PRKCB: variants seen among roughly 807,000 people sequenced by gnomAD.
PRKCB encodes protein kinase C beta.
PRKCB carries 13 observed loss-of-function variants against 81.5 expected under a neutral mutation model. That is an observed-to-expected ratio of 0.16 (90% confidence interval 0.10 to 0.25). PRKCB has a LOEUF of 0.25. Among genes scored for constraint, PRKCB ranks in the 10% least tolerant of loss-of-function variants. The pLI is 1.00. For synonymous variants in PRKCB, 335 were observed against 321.4 expected (o/e 1.04, Z -0.45); for missense variants, 509 against 875.7 (o/e 0.58, Z 5.29).
At chr16:23,942,434 C>T (rs1036966732) in intron 2 of PRKCB, among the ~76,000 whole-genome samples, 2 of 152,218 alleles carry the variant, frequency 1.3e-5, no homozygotes, top group African/African-American at 4.8e-5. Flanking sequence ...TGGTGTGTTC[C>T]TTCCATAGAC....
At chr16:24,010,324 T>G (rs1186612124) in intron 3 of PRKCB, among the ~76,000 whole-genome samples, 1 of 152,202 alleles carries the variant, frequency 6.6e-6, no homozygotes, top group Non-Finnish European at 1.5e-5. Flanking sequence ...TGAAATCCCC[T>G]AAATTTAGAT....
chr16:23,996,186 T>C (rs1388948857), intron 3 of PRKCB, among the ~76,000 whole-genome samples: 2 of 152,074 alleles, frequency 1.3e-5, no homozygotes, highest in East Asian at 3.9e-4. Flanking sequence ...CATGAAAATA[T>C]TTGTGTCCTA....
At chr16:24,176,005 A>G (rs1488231336) in intron 12 of PRKCB, among the ~76,000 whole-genome samples, 1 of 149,646 alleles carries the variant, frequency 6.7e-6, no homozygotes, top group Non-Finnish European at 1.5e-5. Context: ...GCATGTTAAG[A>G]TTAGCCCTGG....
At chr16:23,960,497 A>G (rs1337387934) in intron 2 of PRKCB, among the ~76,000 whole-genome samples, 1 of 151,758 alleles carries the variant, frequency 6.6e-6, no homozygotes, top group Non-Finnish European at 1.5e-5. Flanking sequence ...GTTCTAGGGT[A>G]CATGTGCAGG....
intron 12 of PRKCB, among the ~76,000 whole-genome samples, chr16:24,180,077 T>G (rs976636106): frequency 6.6e-6 from 1 of 152,186 alleles, no homozygotes; most frequent in Admixed American, 6.5e-5. Flanking sequence ...CCCGAGTAGC[T>G]GGGACTACAG....
At chr16:24,115,978 G>A (rs574895462) in intron 8 of PRKCB, among the ~76,000 whole-genome samples, 54 of 150,446 alleles carry the variant, frequency 3.6e-4, no homozygotes, top group African/African-American at 1.3e-3. Flanking sequence ...GTCTGCCTCG[G>A]CCTCCCAAGT....
chr16:24,100,413 T>C (rs1299833001), intron 7 of PRKCB, among the ~76,000 whole-genome samples: 2 of 152,072 alleles, frequency 1.3e-5, no homozygotes, highest in African/African-American at 4.8e-5. Flanking sequence ...GCCTGTTGCT[T>C]CTCCTTGTGA....
intron 5 of PRKCB, among the ~76,000 whole-genome samples, chr16:24,086,555 C>T (rs766021182): frequency 9.2e-5 from 14 of 152,116 alleles, no homozygotes; most frequent in Non-Finnish European, 1.9e-4. Flanking sequence ...GATCCAATTA[C>T]CCTATAAACT....
At chr16:23,898,189 C>T (rs1414913988) in intron 2 of PRKCB, among the ~76,000 whole-genome samples, 1 of 152,048 alleles carries the variant, frequency 6.6e-6, no homozygotes, top group African/African-American at 2.4e-5. Flanking sequence ...CCTCAGCCTC[C>T]CGAGTAGCTG....
chr16:24,205,201 A>AGTGAAGTG (rs1168763114), intron 16 of PRKCB, among the ~76,000 whole-genome samples: 1 of 145,028 alleles, frequency 6.9e-6, no homozygotes, highest in Non-Finnish European at 1.5e-5. Context: ...CCCAGGCTGA[A>AGTGAAGTG]GTGAAGTGGA....
intron 16 of PRKCB, among the ~76,000 whole-genome samples, chr16:24,194,460 C>G (rs963897216): frequency 6.6e-6 from 1 of 152,116 alleles, no homozygotes; most frequent in Admixed American, 6.5e-5. Flanking sequence ...CCATATGTAT[C>G]CCATGCATTG....
chr16:24,130,276 G>A (rs2141934734), intron 9 of PRKCB, among the ~76,000 whole-genome samples: 1 of 152,272 alleles, frequency 6.6e-6, no homozygotes, highest in East Asian at 1.9e-4. Flanking sequence ...AAATCACACA[G>A]GCATGAAAGC....
intron 2 of PRKCB, among the ~76,000 whole-genome samples, chr16:23,895,372 T>C (rs1348457425): frequency 2.0e-5 from 3 of 152,190 alleles, no homozygotes; most frequent in Non-Finnish European, 2.9e-5. Flanking sequence ...GTTCAACTTT[T>C]TTCTGTTTCC....
At chr16:23,850,357 A>C (rs951319487) in intron 2 of PRKCB, among the ~76,000 whole-genome samples, 15 of 122,508 alleles carry the variant, frequency 1.2e-4, no homozygotes, top group African/African-American at 4.0e-4. Flanking sequence ...TACTTAAAAA[A>C]AATTTAATTT....
rs532625232 is a variant in PRKCB at position 24,033,142 on chromosome 16, G to T, written c.400+895G>T. On this transcript the variant is annotated intron_variant, in intron 4 of 16. Transcript: ENST00000643927. Reference sequence around the variant, plus strand: ...GCCACAAAGCTACAGGGACACTGGAGGTGCTGGTGGCTCCCACAGACCTGT... The same window carrying T: ...GCCACAAAGCTACAGGGACACTGGATGTGCTGGTGGCTCCCACAGACCTGT... 5.3e-5 allele frequency among the ~76,000 whole-genome samples: 8 copies of T among 152,290 alleles called. No homozygotes were observed. The South Asian group carries it at 1.7e-3, about 32-fold the overall frequency.
intron 3 of PRKCB, among the ~76,000 whole-genome samples, chr16:24,002,177 A>G (rs1430241531): frequency 6.6e-6 from 1 of 152,044 alleles, no homozygotes; most frequent in Non-Finnish European, 1.5e-5. Flanking sequence ...GCATTGACTG[A>G]GGGCTGGCAG....
At chr16:23,898,442 G>A (rs758421751) in intron 2 of PRKCB, among the ~76,000 whole-genome samples, 1 of 152,042 alleles carries the variant, frequency 6.6e-6, no homozygotes, top group African/African-American at 2.4e-5. Context: ...CAGTAAATTA[G>A]ACAATCCTCC....
At chr16:23,936,771 C>T (rs1055225672) in intron 2 of PRKCB, among the ~76,000 whole-genome samples, 2 of 152,020 alleles carry the variant, frequency 1.3e-5, no homozygotes, top group East Asian at 3.9e-4. Context: ...ATTTATTAAA[C>T]AAGTCCTGTA....
Position 24,189,319 on chromosome 16 carries a change from T to C in PRKCB, c.1723-1771T>C, listed in dbSNP as rs146683465. Among the ~76,000 whole-genome samples, 562 of 152,278 alleles carry C rather than the reference T, an allele frequency of 3.7e-3. 1 individual carries two copies. The highest frequency in any genetic ancestry group is 0.013 in the African/African-American group (531 of 41,556). ...TACTCACCTCATTGGGTTATTATGA[T>C]GATCAGGGAAGCTCATGCATGTAAA... On this transcript the variant is annotated intron_variant, in intron 15 of 16. Coordinates refer to ENST00000643927, the MANE Select transcript of PRKCB (RefSeq NM_002738.7).
Sources: allele counts gnomAD v4.1 joint callset (sites outside exome capture counted in the v4.1 genomes callset), GRCh38; gene constraint gnomAD v4.1.1; transcripts MANE v1.5; gene names NCBI Gene and HGNC (gene_info 2026-07-23, HGNC 2026-07-21).